Variants in SOX5 observed in about 807,000 individuals in gnomAD.
SOX5 encodes the protein SRY-box transcription factor 5.
In SOX5, 9 loss-of-function variants were observed where a neutral mutation model predicts 92.0. The observed-to-expected ratio is 0.10, with a 90% CI of 0.06 to 0.17. The LOEUF is 0.17. Ranked by LOEUF, SOX5 falls within the 10% of genes least tolerant of loss-of-function variation. The pLI is 1.00. For synonymous variants in SOX5, 344 were observed against 336.3 expected, an observed-to-expected ratio of 1.02 and a Z score of -0.25; for missense variants, 642 against 944.5, an observed-to-expected ratio of 0.68 and a Z score of 4.20.
At chr12:23,565,391 A>G (rs1053780548) in intron 10 of SOX5, among the ~76,000 whole-genome samples, 6 of 152,196 alleles carry the variant, frequency 3.9e-5, no homozygotes, top group Admixed American at 6.6e-5. Flanking sequence ...TGATTTTCTT[A>G]TGCTCTAACC....
chr12:24,278,803 T>A (rs938995734), intron 2 of SOX5, among the ~76,000 whole-genome samples: 3 of 151,926 alleles, frequency 2.0e-5, no homozygotes, highest in Admixed American at 2.0e-4. Context: ...AGGCTGTCTA[T>A]ATATAGTCAG....
At chr12:23,955,872 G>T (rs1442194967), upstream of SOX5, among the ~76,000 whole-genome samples, 3 of 152,098 alleles carry the variant, frequency 2.0e-5, no homozygotes, top group Non-Finnish European at 4.4e-5. Context: ...GTAATTCAGG[G>T]AACATCCTGC....
intron 1 of SOX5, among the ~76,000 whole-genome samples, chr12:24,372,994 T>C: frequency 6.7e-6 from 1 of 148,422 alleles, no homozygotes; most frequent in Non-Finnish European, 1.5e-5. Flanking sequence ...GGCACAGGCC[T>C]GTGGTCCCAG....
intron 3 of SOX5, among the ~76,000 whole-genome samples, chr12:23,782,659 A>T (rs2095305057): frequency 6.6e-6 from 1 of 152,190 alleles, no homozygotes; most frequent in Non-Finnish European, 1.5e-5. Context: ...AGTTTGTTCT[A>T]CTAACACGCT....
chr12:24,123,654 A>G (rs1417749652), intron 4 of SOX5, among the ~76,000 whole-genome samples: 2 of 152,260 alleles, frequency 1.3e-5, no homozygotes, highest in Non-Finnish European at 1.5e-5. Context: ...ATAAATTACA[A>G]TAAGATATAC....
intron 4 of SOX5, among the ~76,000 whole-genome samples, chr12:24,070,505 T>C (rs1468535113): frequency 6.6e-6 from 1 of 152,146 alleles, no homozygotes; most frequent in Non-Finnish European, 1.5e-5. Flanking sequence ...ATATAACCAC[T>C]GAATGTTCCT....
chr12:24,170,307 T>C (rs7133832), intron 4 of SOX5, among the ~76,000 whole-genome samples: 72,300 of 152,068 alleles, frequency 0.48, 18,871 homozygotes, highest in East Asian at 0.83. Flanking sequence ...GTGACATTTC[T>C]GCATTAGTCA....
At chr12:23,734,837 A>T (rs2140908449) in intron 5 of SOX5, 85 bp from the exon 6 acceptor site, 1 of 1,005,258 alleles carries the variant, frequency 9.9e-7, no homozygotes. Context: ...TCAAAGTTTG[A>T]TTTGACACTG....
rs1475850218 is a variant in SOX5, at chr12:24,263,533, AAAAAAAAC to A, written c.-77+13675_-77+13682del. ...ACAGAGCGAGACTCCGTCTCAAAAA[AAAAAAAAC>A]AAAAAAAAAAACAAAAACAAGAAAT... is the stretch of plus-strand genomic sequence containing the variant. On this transcript the variant is annotated intron_variant, in intron 3 of 4. Transcript: ENST00000446891. Among the ~76,000 whole-genome samples, 175 of 140,984 alleles carry A rather than the reference AAAAAAAAC, an allele frequency of 1.2e-3. 1 individual carries two copies. Among genetic ancestry groups the A allele is most frequent in the African/African-American group, 4.9e-3 (170 of 34,886 alleles). 92.5% of individuals were successfully genotyped at this position (140,984 alleles called of 152,430 possible). A position where few individuals can be genotyped will look rare whatever the true frequency, so the allele number is the denominator to read the frequency against.
chr12:24,037,865 C>A (rs1279391188), intron 4 of SOX5, among the ~76,000 whole-genome samples: 2 of 152,036 alleles, frequency 1.3e-5, no homozygotes, highest in African/African-American at 2.4e-5. Flanking sequence ...TGCTGGAGTC[C>A]TAATGGTACT....
chr12:24,476,863 T>C (rs1945438346), intron 1 of SOX5, among the ~76,000 whole-genome samples: 1 of 151,940 alleles, frequency 6.6e-6, no homozygotes, highest in Admixed American at 6.6e-5. Flanking sequence ...ATTCAGTGAT[T>C]TATAAGAATG....
At chr12:23,857,948 G>C (rs2096712345) in intron 2 of SOX5, among the ~76,000 whole-genome samples, 2 of 152,028 alleles carry the variant, frequency 1.3e-5, no homozygotes, top group Non-Finnish European at 2.9e-5. Flanking sequence ...TGGCCAGGCT[G>C]GTCTTGAACT....
chr12:24,175,194 T>C (rs1322662477), intron 4 of SOX5, among the ~76,000 whole-genome samples: 1 of 152,264 alleles, frequency 6.6e-6, no homozygotes, highest in East Asian at 1.9e-4. Context: ...TTGGCATCCA[T>C]GTTATTCAGT....
At chr12:23,583,694 C>G (rs1441839650) in intron 9 of SOX5, among the ~76,000 whole-genome samples, 1 of 152,090 alleles carries the variant, frequency 6.6e-6, no homozygotes, top group Non-Finnish European at 1.5e-5. Context: ...ATAATCACAC[C>G]AGTTCCTCTT....
chr12:23,962,146 CT>C (rs1947015559), intron 4 of SOX5, among the ~76,000 whole-genome samples: 1 of 151,956 alleles, frequency 6.6e-6, no homozygotes, highest in Non-Finnish European at 1.5e-5. Context: ...GTATAAAAGA[CT>C]GTGTGAGAAG....
chr12:24,248,609 T>C (rs1312862713), intron 3 of SOX5, among the ~76,000 whole-genome samples: 1 of 152,138 alleles, frequency 6.6e-6, no homozygotes, highest in Non-Finnish European at 1.5e-5. Context: ...GGTCTCTAAA[T>C]CCTGACTTCA....
At chr12:24,048,931 T>C (rs76570601) in intron 4 of SOX5, among the ~76,000 whole-genome samples, 39 of 152,300 alleles carry the variant, frequency 2.6e-4, no homozygotes, top group Non-Finnish European at 4.7e-4. Flanking sequence ...ATGTTTTAGC[T>C]TTGATTGTGG....
chr12:24,498,343 A>G (rs1307259448), intron 1 of SOX5, among the ~76,000 whole-genome samples: 1 of 152,210 alleles, frequency 6.6e-6, no homozygotes, highest in Non-Finnish European at 1.5e-5. Context: ...CAGTGATAGG[A>G]CTGAGTTTCC....
intron 1 of SOX5, among the ~76,000 whole-genome samples, chr12:24,525,465 T>C (rs1950618366): frequency 1.3e-5 from 2 of 152,204 alleles, no homozygotes; most frequent in Admixed American, 6.5e-5. Flanking sequence ...GCAGAATGTC[T>C]TACCTATAGT....
Sources: allele counts gnomAD v4.1 joint callset (sites outside exome capture counted in the v4.1 genomes callset), GRCh38; gene constraint gnomAD v4.1.1; transcripts MANE v1.5; gene names NCBI Gene and HGNC (gene_info 2026-07-23, HGNC 2026-07-21).